Variants in IL7 observed in about 807,000 individuals in gnomAD.
The protein encoded by IL7 is interleukin 7.
IL7 carries 3 observed loss-of-function variants against 21.6 expected under a neutral mutation model. The ratio of observed to expected loss-of-function variants is 0.14; its 90% CI spans 0.06 to 0.36. The LOEUF (loss-of-function observed/expected upper bound fraction) is 0.36, where lower values mean the gene tolerates loss of function less well. IL7 is among the 10% of genes least tolerant of loss of function. The pLI is 1.00. For missense variants in IL7, 175 were observed against 200.2 expected, an observed-to-expected ratio of 0.87 and a Z score of 0.76; for synonymous variants, 62 against 68.1, an observed-to-expected ratio of 0.91 and a Z score of 0.44.
chr8:78,762,451 G>T (rs1278386293), intron 2 of IL7: 1 of 1,569,338 alleles, frequency 6.4e-7, no homozygotes, highest in Non-Finnish European at 8.6e-7. Flanking sequence ...CCCGCCGGCC[G>T]GTCCAGCCCT....
At chr8:78,801,901 A>C (rs772449574) in intron 1 of IL7, among the ~76,000 whole-genome samples, 1 of 152,182 alleles carries the variant, frequency 6.6e-6, no homozygotes, top group Non-Finnish European at 1.5e-5. Context: ...CCTACATCAC[A>C]TAGAGAGTAA....
chr8:78,749,583 T>G (rs113749614), intron 2 of IL7, among the ~76,000 whole-genome samples: 27 of 152,080 alleles, frequency 1.8e-4, no homozygotes, highest in Non-Finnish European at 2.8e-4. Flanking sequence ...TAGAAAAAAT[T>G]AAACTGTAAT....
chr8:78,703,749 G>T (rs1196684220), intron 3 of IL7, among the ~76,000 whole-genome samples: 1 of 152,052 alleles, frequency 6.6e-6, no homozygotes, highest in Non-Finnish European at 1.5e-5. Flanking sequence ...GCCACTCTGT[G>T]TCTTTTAATT....
chr8:78,782,163 C>T (rs952904936), intron 2 of IL7, among the ~76,000 whole-genome samples: 32 of 152,128 alleles, frequency 2.1e-4, no homozygotes, highest in African/African-American at 7.5e-4. Flanking sequence ...AGGACATGCT[C>T]CTTTGGCTCA....
chr8:78,705,539 C>T (rs563296767), intron 3 of IL7, among the ~76,000 whole-genome samples: 1 of 152,192 alleles, frequency 6.6e-6, no homozygotes, highest in African/African-American at 2.4e-5. Context: ...GGAGGCTCCA[C>T]CTGGTGATGA....
intron 2 of IL7, among the ~76,000 whole-genome samples, chr8:78,769,957 G>A (rs1313745183): frequency 6.6e-6 from 1 of 152,130 alleles, no homozygotes; most frequent in Non-Finnish European, 1.5e-5. Flanking sequence ...TTTAATAAAT[G>A]GTGCTGGGAA....
At chr8:78,762,432 C>A in intron 2 of IL7, 1 of 1,583,150 alleles carries the variant, frequency 6.3e-7, no homozygotes, top group Non-Finnish European at 8.6e-7. Context: ...AGTTCGGCAT[C>A]GTCGCCCGCC....
At chr8:78,764,064 T>A (rs1299466307) in intron 2 of IL7, among the ~76,000 whole-genome samples, 1 of 152,120 alleles carries the variant, frequency 6.6e-6, no homozygotes, top group African/African-American at 2.4e-5. Context: ...TTTAATCTAA[T>A]CCATCACATC....
intron 3 of IL7, among the ~76,000 whole-genome samples, chr8:78,693,225 A>G (rs1810274142): frequency 6.6e-6 from 1 of 152,160 alleles, no homozygotes; most frequent in Non-Finnish European, 1.5e-5. Flanking sequence ...AGCATGATTT[A>G]TAGTCCTTTG....
intron 3 of IL7, among the ~76,000 whole-genome samples, chr8:78,706,684 G>T (rs750847321): frequency 6.6e-6 from 1 of 152,104 alleles, no homozygotes; most frequent in Non-Finnish European, 1.5e-5. Context: ...AGATGAAGGT[G>T]CTGTATTTAC....
chr8:78,730,631 A>G (rs1300163237), downstream of IL7, among the ~76,000 whole-genome samples: 1 of 151,822 alleles, frequency 6.6e-6, no homozygotes, highest in African/African-American at 2.4e-5. Context: ...TGTTTTCTAG[A>G]TGATTTAAAT....
Position 78,751,157 on chromosome 8 carries a change from T to C in IL7, c.148-11075A>G, listed in dbSNP as rs372985904. 6.7e-4 allele frequency among the ~76,000 whole-genome samples: 95 copies of C among 141,580 alleles called. 1 individual carries two copies. In the East Asian group the frequency reaches 0.014, roughly 21 times the overall value. 92.9% of individuals were successfully genotyped at this position (141,580 alleles called of 152,430 possible). A position where few individuals can be genotyped will look rare whatever the true frequency, so the allele number is the denominator to read the frequency against. On this transcript the variant is annotated intron_variant, in intron 2 of 5. Coordinates refer to ENST00000263851, the MANE Select transcript of IL7 (RefSeq NM_000880.4). Reference sequence around the variant, plus strand: ...AACTGTGGGACAACTACAAAAGGAGTAGCATACATGTAATGGGAATATAAA... The same window carrying C: ...AACTGTGGGACAACTACAAAAGGAGCAGCATACATGTAATGGGAATATAAA...
intron 2 of IL7, among the ~76,000 whole-genome samples, chr8:78,764,751 CT>C (rs1812698601): frequency 6.6e-6 from 1 of 152,068 alleles, no homozygotes; most frequent in African/African-American, 2.4e-5. Context: ...GATGTCAGTT[CT>C]TTCCAAATGA....
At chr8:78,731,530 CCTT>C (rs922385453), downstream of IL7, among the ~76,000 whole-genome samples, 10 of 151,818 alleles carry the variant, frequency 6.6e-5, no homozygotes, top group South Asian at 4.2e-4. Flanking sequence ...TATCTTCCCT[CCTT>C]ATTTTTTTTT....
intron 3 of IL7, chr8:78,689,311 A>G: frequency 1.2e-6 from 2 of 1,605,200 alleles, no homozygotes; most frequent in African/African-American, 1.3e-5. Context: ...GGCAGCACGT[A>G]TTAGTAATAA....
At chr8:78,692,504 T>G (rs1487836377) in intron 3 of IL7, among the ~76,000 whole-genome samples, 1 of 152,210 alleles carries the variant, frequency 6.6e-6, no homozygotes, top group Non-Finnish European at 1.5e-5. Context: ...CATGACATGG[T>G]AGGTAATATA....
intron 4 of IL7, chr8:78,721,203 G>A (rs1811230835): frequency 3.9e-5 from 6 of 152,008 alleles, no homozygotes; most frequent in Admixed American, 3.9e-4. Flanking sequence ...TGTTTATCAT[G>A]AAGATACCAA....
At chr8:78,692,389 G>T (rs539005987) in intron 3 of IL7, among the ~76,000 whole-genome samples, 5 of 152,210 alleles carry the variant, frequency 3.3e-5, no homozygotes, top group African/African-American at 1.2e-4. Context: ...TACTAAATCT[G>T]CCACCTGTGG....
At chr8:78,785,796 A>T (rs1382116549) in intron 2 of IL7, among the ~76,000 whole-genome samples, 2 of 152,158 alleles carry the variant, frequency 1.3e-5, no homozygotes. Flanking sequence ...ATATCTCATG[A>T]TCCTCTTCTC....
Sources: gnomAD v4.1 joint callset for allele counts (sites outside exome capture counted in the v4.1 genomes callset) on GRCh38, gnomAD v4.1.1 for gene constraint, MANE v1.5 for transcripts, NCBI Gene and HGNC (gene_info 2026-07-23, HGNC 2026-07-21) for gene names.